Variants in STAG1 observed in about 807,000 individuals in gnomAD.
The protein encoded by STAG1 is STAG1 cohesin complex component.
In STAG1, 26 loss-of-function variants were observed where a neutral mutation model predicts 170.9. The ratio of observed to expected loss-of-function variants is 0.15; its 90% CI spans 0.11 to 0.21. The LOEUF (loss-of-function observed/expected upper bound fraction) is 0.21, where lower values mean the gene tolerates loss of function less well. Ranked by LOEUF, STAG1 falls within the 10% of genes least tolerant of loss-of-function variation. The pLI is 1.00. For missense variants in STAG1, 964 were observed against 1,509.5 expected, an observed-to-expected ratio of 0.64 and a Z score of 5.99; for synonymous variants, 514 against 497.7, an observed-to-expected ratio of 1.03 and a Z score of -0.44.
chr3:136,389,638 G>T (rs985685487), intron 22 of STAG1, among the ~76,000 whole-genome samples: 6 of 152,026 alleles, frequency 3.9e-5, no homozygotes, highest in African/African-American at 9.7e-5. Context: ...TCCTGCCTCG[G>T]CCTTCTGAGT....
chr3:136,616,805 A>AAAC (rs1939620298), intron 3 of STAG1, among the ~76,000 whole-genome samples: 1 of 152,146 alleles, frequency 6.6e-6, no homozygotes, highest in African/African-American at 2.4e-5. Flanking sequence ...GAGGTGGGAG[A>AAAC]ATCACTTGAA....
chr3:136,397,863 T>C (rs1201890371), intron 22 of STAG1, among the ~76,000 whole-genome samples: 1 of 151,998 alleles, frequency 6.6e-6, no homozygotes, highest in East Asian at 1.9e-4. Flanking sequence ...AAAAAAAAAA[T>C]TTACCCAACA....
At chr3:136,589,409 G>A (rs1645917693) in intron 4 of STAG1, among the ~76,000 whole-genome samples, 1 of 152,162 alleles carries the variant, frequency 6.6e-6, no homozygotes, top group Non-Finnish European at 1.5e-5. Flanking sequence ...GGAGGCTAAT[G>A]CAGGAGAATC....
Position 136,580,575 on chromosome 3 carries a change from G to A in STAG1, c.298-11714C>T, listed in dbSNP as rs1436197864. Among the ~76,000 whole-genome samples the A allele has an allele frequency of 3.7e-5, 5 of 136,740 alleles. No homozygotes were observed. The East Asian group carries it at 7.0e-4, about 19-fold the overall frequency. The allele number at this position is 136,740 out of a possible 152,430, so 89.7% of individuals were successfully genotyped here. A position where few individuals can be genotyped will look rare whatever the true frequency, so the allele number is the denominator to read the frequency against. On this transcript the variant is annotated intron_variant, in intron 4 of 33. Transcript: ENST00000383202. ...GGAGTCTCGCTCTGTCGCCCAGGCCGGACTGCGGACTGCAGTGGCGCAATC... is the reference window on the plus strand; with the variant it reads ...GGAGTCTCGCTCTGTCGCCCAGGCCAGACTGCGGACTGCAGTGGCGCAATC...
intron 2 of STAG1, among the ~76,000 whole-genome samples, chr3:136,626,962 G>A (rs184261368): frequency 6.6e-6 from 1 of 152,162 alleles, no homozygotes; most frequent in African/African-American, 2.4e-5. Flanking sequence ...TTTATCTTGT[G>A]TGGACAAAAT....
chr3:136,422,298 G>A lies in STAG1; in HGVS notation c.2037+112C>T. 3.1e-6 allele frequency: 3 copies of A among 976,652 alleles called. No individual in the cohort carries two copies. The South Asian group carries it at 5.1e-5, about 17-fold the overall frequency. 60.5% of individuals were successfully genotyped at this position (976,652 alleles called of 1,614,324 possible). Reference sequence around the variant, plus strand: ...ATAAGGTTGCTAAGTTTTGGAAGGGGCAGACAATTCTACTCAATTTCATTT... The same window carrying A: ...ATAAGGTTGCTAAGTTTTGGAAGGGACAGACAATTCTACTCAATTTCATTT... On this transcript the variant is annotated intron_variant, in intron 19 of 33. Transcript: ENST00000383202.
intron 1 of STAG1, among the ~76,000 whole-genome samples, chr3:136,722,532 T>C (rs1342478115): frequency 6.6e-6 from 1 of 152,094 alleles, no homozygotes; most frequent in Non-Finnish European, 1.5e-5. Context: ...AGTAACTGTA[T>C]GAGGAATGAG....
chr3:136,674,638 C>G (rs1454016006), intron 1 of STAG1, among the ~76,000 whole-genome samples: 2 of 152,166 alleles, frequency 1.3e-5, no homozygotes, highest in Non-Finnish European at 2.9e-5. Context: ...GACACATTAT[C>G]AGTATACTAA....
At chr3:136,488,177 C>T (rs945219702) in intron 9 of STAG1, among the ~76,000 whole-genome samples, 9 of 152,242 alleles carry the variant, frequency 5.9e-5, no homozygotes, top group Non-Finnish European at 1.0e-4. Flanking sequence ...GGTTGGAGTG[C>T]AGTGGCATGA....
intron 1 of STAG1, among the ~76,000 whole-genome samples, chr3:136,716,398 G>A (rs1328617863): frequency 2.0e-5 from 3 of 152,054 alleles, no homozygotes; most frequent in African/African-American, 7.2e-5. Flanking sequence ...TACAGGCAGC[G>A]GTTGCAGTGA....
chr3:136,427,403 TC>T (rs2088163658), intron 16 of STAG1, among the ~76,000 whole-genome samples: 1 of 152,132 alleles, frequency 6.6e-6, no homozygotes, highest in African/African-American at 2.4e-5. Flanking sequence ...GAACAGTTGG[TC>T]TCTCCAGTGA....
intron 6 of STAG1, among the ~76,000 whole-genome samples, chr3:136,538,413 C>CTTTT (rs772305467): frequency 1.9e-4 from 26 of 139,050 alleles, no homozygotes; most frequent in Non-Finnish European, 2.7e-4. Flanking sequence ...CATATAGTTA[C>CTTTT]TTTTTTTTTT....
chr3:136,532,831 C>G (rs1285754826), intron 6 of STAG1, among the ~76,000 whole-genome samples: 1 of 152,104 alleles, frequency 6.6e-6, no homozygotes, highest in Admixed American at 6.5e-5. Flanking sequence ...GGGAAAAGTT[C>G]AAACCTTTTC....
intron 1 of STAG1, among the ~76,000 whole-genome samples, chr3:136,647,711 T>A (rs995991285): frequency 1.3e-5 from 2 of 152,212 alleles, no homozygotes; most frequent in Non-Finnish European, 2.9e-5. Flanking sequence ...CACCCAACTA[T>A]CCCTTATCAC....
chr3:136,422,725 A>G, intron 18 of STAG1, 43 bp downstream of exon 18: 1 of 1,531,788 alleles, frequency 6.5e-7, no homozygotes, highest in Non-Finnish European at 8.9e-7. Flanking sequence ...AATTCAGTTA[A>G]TAAAACTATA....
At chr3:136,362,365 G>A (rs1239717637) in intron 26 of STAG1, among the ~76,000 whole-genome samples, 2 of 151,930 alleles carry the variant, frequency 1.3e-5, no homozygotes, top group Non-Finnish European at 2.9e-5. Context: ...CTTTCCTACT[G>A]ATCTGTAGGA....
chr3:136,383,489 T>C (rs1251731187), intron 22 of STAG1, among the ~76,000 whole-genome samples: 1 of 152,186 alleles, frequency 6.6e-6, no homozygotes, highest in Non-Finnish European at 1.5e-5. Context: ...TGAAAAAAAG[T>C]AAATATGCTT....
intron 1 of STAG1, among the ~76,000 whole-genome samples, chr3:136,690,711 T>C (rs1942692756): frequency 6.6e-6 from 1 of 151,892 alleles, no homozygotes; most frequent in Non-Finnish European, 1.5e-5. Flanking sequence ...AAGAGTTCTG[T>C]GAGGAGGAAG....
At chr3:136,462,338 C>T (rs1169760571) in intron 13 of STAG1, among the ~76,000 whole-genome samples, 1 of 152,078 alleles carries the variant, frequency 6.6e-6, no homozygotes, top group Non-Finnish European at 1.5e-5. Flanking sequence ...GGTATATATA[C>T]ACAATGGAAT....
Sources: gnomAD v4.1 joint callset for allele counts (sites outside exome capture counted in the v4.1 genomes callset) on GRCh38, gnomAD v4.1.1 for gene constraint, MANE v1.5 for transcripts, NCBI Gene and HGNC (gene_info 2026-07-23, HGNC 2026-07-21) for gene names.